The following TBC1D30 variants were observed in gnomAD, a reference collection of about 807,000 sequenced individuals.
TBC1D30 encodes the protein TBC1 domain family, member 30.
TBC1D30 carries 31 observed loss-of-function variants against 63.2 expected under a neutral mutation model. That is an observed-to-expected ratio of 0.49 (90% CI 0.37 to 0.66). TBC1D30 has a LOEUF of 0.66. Ranked by LOEUF, TBC1D30 falls within the 30% of genes least tolerant of loss-of-function variation. The probability of loss-of-function intolerance (pLI) is 0.00; values close to 1 mark genes in which losing one functional copy is unlikely to be tolerated. For missense variants in TBC1D30, 810 were observed against 953.6 expected (o/e 0.85, Z 1.98); for synonymous variants, 307 against 361.5 (o/e 0.85, Z 1.71).
Position 64,874,210 on chromosome 12 carries a change from C to A in TBC1D30, c.1499-791C>A, listed in dbSNP as rs146955695. Among the ~76,000 whole-genome samples, 34 of 152,314 alleles carry A rather than the reference C, an allele frequency of 2.2e-4. No individual in the cohort carries two copies. The East Asian group carries it at 6.2e-3, about 28-fold the overall frequency. On this transcript the variant is annotated intron_variant, in intron 11 of 11. Transcript: ENST00000539867. ...TTCAAGCAATCTCCTGCCTCAGCCT[C>A]CCAAGTAGCTGGGACTACAGGCATG...
chr12:64,787,509 A>G lies in TBC1D30; in HGVS notation c.643+1464A>G, dbSNP rs1385104882. Reference sequence around the variant, plus strand: ...TTTTGTACGTAAATTGACACCTCCTAGAGTGCTTTTTTTTCAAAATTGCAA... The same window carrying G: ...TTTTGTACGTAAATTGACACCTCCTGGAGTGCTTTTTTTTCAAAATTGCAA... On this transcript the variant is annotated intron_variant, in intron 2 of 12. Transcript: ENST00000542120. The G allele has an allele frequency of 3.3e-5, 11 of 330,336 alleles. No homozygotes were observed. The South Asian group carries it at 4.7e-4, about 14-fold the overall frequency. 20.5% of individuals were successfully genotyped at this position (330,336 alleles called of 1,614,324 possible).
chr12:64,856,692 C>T (rs1328861272), intron 8 of TBC1D30, among the ~76,000 whole-genome samples: 1 of 152,222 alleles, frequency 6.6e-6, no homozygotes, highest in Non-Finnish European at 1.5e-5. Flanking sequence ...GAGTTCCCCC[C>T]AGGCCCCAGG....
chr12:64,821,236 G>A (rs191266417), upstream of TBC1D30, among the ~76,000 whole-genome samples: 63 of 152,330 alleles, frequency 4.1e-4, no homozygotes, highest in African/African-American at 1.4e-3. Context: ...TAACTGGTCA[G>A]TATATTCTCT....
At chr12:64,764,897 C>A (rs1870648707) in intron 1 of TBC1D30, among the ~76,000 whole-genome samples, 1 of 152,170 alleles carries the variant, frequency 6.6e-6, no homozygotes, top group Admixed American at 6.5e-5. Flanking sequence ...ACAAATAATT[C>A]TCAGAGGGGT....
Position 64,824,691 on chromosome 12 carries a change from G to A in TBC1D30, c.-189G>A. On this transcript the variant is annotated 5_prime_UTR_variant, in exon 1 of 12. Transcript: ENST00000539867. ...TGCAGATGCCTGCTGGCTTCCCTGC[G>A]CTCGGCGGCTCCCGCGGTGCCCCGT... 1 of 707,198 alleles carries A rather than the reference G, an allele frequency of 1.4e-6. No individual in the cohort carries two copies. Among genetic ancestry groups the A allele is most frequent in the Non-Finnish European group, 2.2e-6 (1 of 455,760 alleles). The allele number at this position is 707,198 out of a possible 1,614,324, so 43.8% of individuals were successfully genotyped here. A position where few individuals can be genotyped will look rare whatever the true frequency, so the allele number is the denominator to read the frequency against.
chr12:64,780,697 C>T (rs1871220949), exon 1 of TBC1D30: 1 of 958,156 alleles, frequency 1.0e-6, no homozygotes, highest in Non-Finnish European at 1.2e-6. Context: ...CCGCTGGCGC[C>T]GCGCCCGGGA....
intron 1 of TBC1D30, chr12:64,825,308 C>T (rs1437095496): frequency 2.2e-5 from 9 of 401,050 alleles, no homozygotes; most frequent in African/African-American, 6.3e-5. Flanking sequence ...CCTGTGTGCT[C>T]GGCTTTCTCC....
At chr12:64,761,262 AT>A (rs1361416110) in intron 1 of TBC1D30, among the ~76,000 whole-genome samples, 1 of 152,126 alleles carries the variant, frequency 6.6e-6, no homozygotes, top group African/African-American at 2.4e-5. Context: ...TTTCTTTTCT[AT>A]TTTTTTCAAG....
chr12:64,870,757 C>T lies in TBC1D30; in HGVS notation c.1447C>T (p.Arg483Ter), dbSNP rs1423955139. 4 of 1,535,952 alleles carry T rather than the reference C, an allele frequency of 2.6e-6. No individual in the cohort carries two copies. Among genetic ancestry groups the T allele is most frequent in the Non-Finnish European group, 2.6e-6 (3 of 1,146,856 alleles). The change falls in exon 11 of 12, where the codon CGA (arginine) becomes TGA (stop). Residue 483 changes from arginine to a stop codon, truncating the protein, a stop_gained. Transcript: ENST00000539867. LOFTEE classifies it high-confidence loss of function. ...DINALKRQYS[R>*]IKKKQQQQVH... ...CAATGCACTGAAGCGGCAGTACTCT[C>T]GAATTAAAAAGAAGCAACAGCAGCA...
intron 2 of TBC1D30, among the ~76,000 whole-genome samples, chr12:64,795,704 C>CTT (rs1200673199): frequency 1.1e-4 from 15 of 133,126 alleles, no homozygotes; most frequent in South Asian, 4.8e-4. Flanking sequence ...CTCCACGCTC[C>CTT]TTTTTTTTTT....
At chr12:64,870,927 C>G (rs1592664060) in intron 11 of TBC1D30, 119 bp downstream of exon 11, 1 of 934,100 alleles carries the variant, frequency 1.1e-6, no homozygotes, top group Non-Finnish European at 1.6e-6. Flanking sequence ...ATCAACACAG[C>G]TGGCATGACA....
chr12:64,850,903 C>T (rs1453239745), intron 8 of TBC1D30, among the ~76,000 whole-genome samples: 5 of 152,142 alleles, frequency 3.3e-5, no homozygotes, highest in African/African-American at 1.2e-4. Context: ...CCATCTGATC[C>T]TGGGCTTTCT....
intron 1 of TBC1D30, among the ~76,000 whole-genome samples, chr12:64,769,244 T>C (rs1010477877): frequency 6.6e-6 from 1 of 152,032 alleles, no homozygotes; most frequent in Non-Finnish European, 1.5e-5. Flanking sequence ...CTCACTCTGT[T>C]GCCCAGGCTA....
rs1002801401 is a variant in TBC1D30 at position 64,874,098 on chromosome 12, G to A, written c.1499-903G>A. Among the ~76,000 whole-genome samples, 9 of 152,252 alleles carry A rather than the reference G, an allele frequency of 5.9e-5. No homozygotes were observed. In the South Asian group the frequency reaches 6.2e-4, roughly 11 times the overall value. ...CTAGGAGAACAAAGCTTTTTTGTTC[G>A]TTTGTTTTGAGAAGGAGTCTCACTG... On this transcript the variant is annotated intron_variant, in intron 11 of 11. Transcript: ENST00000539867.
upstream of TBC1D30, among the ~76,000 whole-genome samples, chr12:64,819,992 A>G (rs924937284): frequency 3.9e-5 from 6 of 152,098 alleles, no homozygotes; most frequent in Non-Finnish European, 7.4e-5. Flanking sequence ...AGCACCTGCC[A>G]GGGAACTCCG....
At chr12:64,770,133 T>C (rs1441027832) in intron 1 of TBC1D30, among the ~76,000 whole-genome samples, 1 of 152,250 alleles carries the variant, frequency 6.6e-6, no homozygotes, top group Non-Finnish European at 1.5e-5. Flanking sequence ...GCGTTCTTTT[T>C]TGTCAAATGT....
At chr12:64,803,778 T>G (rs1052084180) in intron 2 of TBC1D30, among the ~76,000 whole-genome samples, 10 of 152,224 alleles carry the variant, frequency 6.6e-5, no homozygotes, top group Non-Finnish European at 1.0e-4. Flanking sequence ...TTTCTTGTTT[T>G]TGTCAGGTTT....
intron 7 of TBC1D30, among the ~76,000 whole-genome samples, chr12:64,843,161 C>T (rs761332729): frequency 2.6e-5 from 4 of 152,124 alleles, no homozygotes; most frequent in African/African-American, 7.2e-5. Context: ...GTGTGCGCCA[C>T]GATACCCAGC....
At chr12:64,851,836 T>C (rs931183328) in intron 8 of TBC1D30, among the ~76,000 whole-genome samples, 5 of 152,198 alleles carry the variant, frequency 3.3e-5, no homozygotes, top group African/African-American at 1.2e-4. Context: ...TTAAGAAAAT[T>C]GAATATTGGC....
Sources: gnomAD v4.1 joint callset for allele counts (sites outside exome capture counted in the v4.1 genomes callset) on GRCh38, gnomAD v4.1.1 for gene constraint, MANE v1.5 for transcripts, NCBI Gene and HGNC (gene_info 2026-07-23, HGNC 2026-07-21) for gene names.